The following TNS3 variants were observed in gnomAD, a reference collection of about 807,000 sequenced individuals.
TNS3 encodes the protein tensin-3.
TNS3 carries 45 observed loss-of-function variants against 140.9 expected under a neutral mutation model. The ratio of observed to expected loss-of-function variants is 0.32; its 90% CI spans 0.25 to 0.41. The LOEUF is 0.41. TNS3 is among the 10% of genes least tolerant of loss of function. The probability of loss-of-function intolerance (pLI) is 1.00; values close to 1 mark genes in which losing one functional copy is unlikely to be tolerated. For missense variants in TNS3, 1,716 were observed against 1,906.7 expected, an observed-to-expected ratio of 0.90 and a Z score of 1.86; for synonymous variants, 815 against 788.4, an observed-to-expected ratio of 1.03 and a Z score of -0.56.
At chr7:47,486,898 G>C (rs1425907397) in intron 3 of TNS3, among the ~76,000 whole-genome samples, 1 of 152,178 alleles carries the variant, frequency 6.6e-6, no homozygotes, top group Non-Finnish European at 1.5e-5. Context: ...TCTGTATAAA[G>C]AGAATAAATG....
intron 20 of TNS3, among the ~76,000 whole-genome samples, chr7:47,339,760 TG>T (rs1788841269): frequency 6.6e-6 from 1 of 152,040 alleles, no homozygotes; most frequent in African/African-American, 2.4e-5. Flanking sequence ...GTGGTAAAAC[TG>T]TCTGTCAATC....
intron 17 of TNS3, among the ~76,000 whole-genome samples, chr7:47,356,311 G>A (rs1007375610): frequency 6.6e-6 from 1 of 152,190 alleles, no homozygotes; most frequent in Non-Finnish European, 1.5e-5. Context: ...CTAGGTGTCA[G>A]TATTTTTAAA....
chr7:47,478,137 G>C (rs1264150935), intron 4 of TNS3, among the ~76,000 whole-genome samples: 1 of 152,196 alleles, frequency 6.6e-6, no homozygotes, highest in Non-Finnish European at 1.5e-5. Flanking sequence ...ACGCCCACGG[G>C]CTGATCTCTG....
At chr7:47,306,978 G>A (rs1347984634) in intron 20 of TNS3, among the ~76,000 whole-genome samples, 2 of 152,120 alleles carry the variant, frequency 1.3e-5, no homozygotes, top group African/African-American at 4.8e-5. Context: ...GAGAAAAAGT[G>A]AACTTTAAAT....
At chr7:47,461,574 C>T (rs985821028) in intron 4 of TNS3, among the ~76,000 whole-genome samples, 21 of 152,208 alleles carry the variant, frequency 1.4e-4, no homozygotes, top group African/African-American at 5.1e-4. Flanking sequence ...ACTGAGGAGC[C>T]GGGCACTGCA....
chr7:47,375,380 A>G (rs1171275208), intron 16 of TNS3, among the ~76,000 whole-genome samples: 2 of 152,218 alleles, frequency 1.3e-5, no homozygotes, highest in Non-Finnish European at 2.9e-5. Flanking sequence ...TTAAAAATCC[A>G]ACAAACATAA....
At chr7:47,337,837 G>A (rs1206442360) in intron 20 of TNS3, among the ~76,000 whole-genome samples, 1 of 152,146 alleles carries the variant, frequency 6.6e-6, no homozygotes, top group Non-Finnish European at 1.5e-5. Context: ...CCAATCTCCT[G>A]TTGCCTTTTT....
At chr7:47,381,464 T>A (rs1791754498) in intron 16 of TNS3, among the ~76,000 whole-genome samples, 1 of 152,214 alleles carries the variant, frequency 6.6e-6, no homozygotes. Flanking sequence ...TGGCTCAACA[T>A]GGGCCACAAT....
At chr7:47,474,695 TACAC>T (rs1797110575) in intron 4 of TNS3, among the ~76,000 whole-genome samples, 1 of 99,216 alleles carries the variant, frequency 1.0e-5, no homozygotes, top group South Asian at 3.4e-4. Flanking sequence ...TCACACATAA[TACAC>T]ACAACACACA....
At chr7:47,400,502 A>C (rs772099816) in intron 14 of TNS3, 44 bp from the exon 15 acceptor site, 1 of 1,595,152 alleles carries the variant, frequency 6.3e-7, no homozygotes, top group Non-Finnish European at 8.6e-7. Flanking sequence ...GAGACAATTA[A>C]CCGGAAAAGT....
intron 17 of TNS3, among the ~76,000 whole-genome samples, chr7:47,353,957 T>A (rs1789829121): frequency 6.8e-6 from 1 of 147,060 alleles, no homozygotes; most frequent in Non-Finnish European, 1.5e-5. Context: ...ATTATATGCA[T>A]CAAAAGGAAA....
intron 4 of TNS3, among the ~76,000 whole-genome samples, chr7:47,478,873 A>G (rs191560838): frequency 3.5e-4 from 53 of 152,242 alleles, no homozygotes; most frequent in Admixed American, 8.5e-4. Context: ...CTATCCATAT[A>G]CATGTAACAA....
At position 47,369,142 on chromosome 7, in the gene TNS3, G is replaced by T. The variant is rs1313554323; in HGVS notation, c.1504C>A (p.Pro502Thr). 1.2e-6 allele frequency: 2 copies of T among 1,613,888 alleles called. No individual in the cohort carries two copies. Among genetic ancestry groups the T allele is most frequent in the East Asian group, 4.5e-5 (2 of 44,896 alleles). The change falls in exon 17 of 31, where the codon CCT becomes ACT. Residue 502 changes from proline to threonine, a missense_variant. Pro to Thr is a conservative substitution (Grantham distance 38, BLOSUM62 -1). Transcript: ENST00000311160. ...SLGTLSSSEGPQSAHLGPFTC... is the reference protein window; with the variant it reads ...SLGTLSSSEGTQSAHLGPFTC... ...AAGGGACCCAGGTGGGCCGACTGAG[G>T]CCCTTCCGAGGAGGACAGGGTCCCA...
At chr7:47,508,062 G>A (rs552055795) in intron 2 of TNS3, among the ~76,000 whole-genome samples, 2 of 152,332 alleles carry the variant, frequency 1.3e-5, no homozygotes, top group Admixed American at 1.3e-4. Context: ...TCAGAAGTCA[G>A]GGAGAGGGGC....
intron 4 of TNS3, among the ~76,000 whole-genome samples, chr7:47,478,740 T>C (rs1797293305): frequency 6.6e-6 from 1 of 152,122 alleles, no homozygotes; most frequent in South Asian, 2.1e-4. Flanking sequence ...ATGGCACATG[T>C]ATGTATTCAT....
At chr7:47,305,411 G>C (rs1053729411) in intron 20 of TNS3, among the ~76,000 whole-genome samples, 1 of 152,226 alleles carries the variant, frequency 6.6e-6, no homozygotes, top group Admixed American at 6.5e-5. Flanking sequence ...AATTGGCATG[G>C]CCTTTCCTCT....
intron 20 of TNS3, among the ~76,000 whole-genome samples, chr7:47,337,618 T>TAAA (rs1788705505): frequency 6.6e-6 from 1 of 152,236 alleles, no homozygotes; most frequent in African/African-American, 2.4e-5. Context: ...TTTGGTCTGT[T>TAAA]CCAGCCCACT....
At chr7:47,361,237 C>T (rs1228636183) in intron 17 of TNS3, among the ~76,000 whole-genome samples, 2 of 69,818 alleles carry the variant, frequency 2.9e-5, no homozygotes, top group East Asian at 3.4e-4. Flanking sequence ...AGCAAGGGCC[C>T]AGCCCAAGAC....
chr7:47,369,253 T>C lies in TNS3; in HGVS notation c.1393A>G (p.Asn465Asp), dbSNP rs778499501. ...RHVVPAQVHV[N>D]GDAALKDRET... ...CGATCCTTCAGAGCAGCGTCTCCATTCACGTGAACCTGGGCTGGCACCACG... is the reference window on the plus strand; with the variant it reads ...CGATCCTTCAGAGCAGCGTCTCCATCCACGTGAACCTGGGCTGGCACCACG... Residue 465 changes from asparagine to aspartate, a missense_variant, in exon 17 of 31, where the codon AAT (asparagine) becomes GAT (aspartate). Physicochemically the swap from Asn to Asp is conservative, Grantham distance 23 (BLOSUM62 1). Transcript: ENST00000311160. 2 of 1,614,162 alleles carry C rather than the reference T, an allele frequency of 1.2e-6. No individual in the cohort carries two copies. The highest frequency in any genetic ancestry group is 2.2e-5 in the South Asian group (2 of 91,074).
Sources: gnomAD v4.1 joint callset for allele counts (sites outside exome capture counted in the v4.1 genomes callset) on GRCh38, gnomAD v4.1.1 for gene constraint, MANE v1.5 for transcripts, NCBI Gene and HGNC (gene_info 2026-07-23, HGNC 2026-07-21) for gene names.